ANXA10: variants seen among roughly 807,000 people sequenced by gnomAD.
ANXA10 encodes the protein annexin A10.
ANXA10 carries 49 observed loss-of-function variants against 53.5 expected under a neutral mutation model. The ratio of observed to expected loss-of-function variants is 0.92; its 90% confidence interval spans 0.73 to 1.16. ANXA10 has a LOEUF of 1.16. Ranked by LOEUF, ANXA10 falls within the 50% of genes most tolerant of loss-of-function variation. The pLI is 0.00. For missense variants in ANXA10, 393 were observed against 394.4 expected (o/e 1.00, Z 0.03); for synonymous variants, 131 against 128.9 (o/e 1.02, Z -0.11).
chr4:168,097,113 A>G (rs1730562037), intron 1 of ANXA10, among the ~76,000 whole-genome samples: 1 of 151,590 alleles, frequency 6.6e-6, no homozygotes, highest in African/African-American at 2.4e-5. Flanking sequence ...AATTTCATAA[A>G]CCCACTTACT....
intron 1 of ANXA10, among the ~76,000 whole-genome samples, chr4:168,123,810 T>C (rs990567346): frequency 1.3e-5 from 2 of 152,146 alleles, no homozygotes; most frequent in African/African-American, 4.8e-5. Context: ...AAAAAATCAC[T>C]TATAACAACC....
chr4:168,129,161 T>C (rs1731119483), intron 2 of ANXA10, among the ~76,000 whole-genome samples: 1 of 152,002 alleles, frequency 6.6e-6, no homozygotes, highest in Non-Finnish European at 1.5e-5. Context: ...GGAGCTTGAC[T>C]GTGTGTGTGT....
intron 1 of ANXA10, among the ~76,000 whole-genome samples, chr4:168,108,183 T>C (rs1730748277): frequency 6.6e-6 from 1 of 152,104 alleles, no homozygotes; most frequent in South Asian, 2.1e-4. Context: ...CTCATTGCCA[T>C]CTTAATTTTG....
chr4:168,164,288 CG>C lies in ANXA10; in HGVS notation c.400+1del. ...CCAGATGCGAGAAGCCTACTGCTTG[CG>C]TAAGGAAATATACATATGTGAATAT... On this transcript the variant is annotated splice_donor_variant, in intron 5 of 11. Transcript: ENST00000359299. LOFTEE classifies it high-confidence loss of function. 1.9e-6 allele frequency: 3 copies of C among 1,600,428 alleles called. No homozygotes were observed. Among genetic ancestry groups the C allele is most frequent in the Non-Finnish European group, 2.6e-6 (3 of 1,168,228 alleles).
intron 2 of ANXA10, among the ~76,000 whole-genome samples, chr4:168,131,581 T>C (rs563267241): frequency 2.6e-5 from 4 of 152,116 alleles, no homozygotes; most frequent in African/African-American, 9.6e-5. Flanking sequence ...CAAATTACTC[T>C]AGAGGTGTTA....
chr4:168,139,741 A>G (rs1431378138), intron 3 of ANXA10, among the ~76,000 whole-genome samples, 161 bp downstream of exon 3: 1 of 152,170 alleles, frequency 6.6e-6, no homozygotes, highest in Non-Finnish European at 1.5e-5. Context: ...TGTTTCAAGG[A>G]ATAAAATCTA....
At chr4:168,152,890 C>T (rs1300784954) in intron 3 of ANXA10, among the ~76,000 whole-genome samples, 2 of 151,592 alleles carry the variant, frequency 1.3e-5, no homozygotes, top group African/African-American at 4.8e-5. Context: ...AGTCACTAGG[C>T]TAGAGTGCCA....
chr4:168,157,541 G>A (rs1349958293), intron 3 of ANXA10, among the ~76,000 whole-genome samples: 3 of 152,168 alleles, frequency 2.0e-5, no homozygotes, highest in Admixed American at 2.0e-4. Context: ...TGGGATTACA[G>A]GCGTAAGCCA....
intron 3 of ANXA10, among the ~76,000 whole-genome samples, chr4:168,140,875 C>A (rs534339061): frequency 6.6e-6 from 1 of 152,306 alleles, no homozygotes; most frequent in East Asian, 1.9e-4. Context: ...CCACCTCGGC[C>A]TCCCAAAGTG....
intron 11 of ANXA10, among the ~76,000 whole-genome samples, chr4:168,186,851 A>C (rs140598487): frequency 2.0e-4 from 31 of 152,182 alleles, no homozygotes; most frequent in South Asian, 8.3e-4. Context: ...ATTGCTTCTC[A>C]GTTTTTCACT....
chr4:168,181,152 G>A (rs1048470784), intron 9 of ANXA10, among the ~76,000 whole-genome samples: 2 of 152,012 alleles, frequency 1.3e-5, no homozygotes, highest in African/African-American at 2.4e-5. Flanking sequence ...TTCACTTTGG[G>A]AGGCAGAGGC....
intron 1 of ANXA10, among the ~76,000 whole-genome samples, chr4:168,113,553 G>A (rs1730845041): frequency 6.6e-6 from 1 of 152,228 alleles, no homozygotes; most frequent in Admixed American, 6.5e-5. Context: ...AGTAACAGAA[G>A]GTGGAGGAAC....
At chr4:168,112,201 C>G (rs1451112762) in intron 1 of ANXA10, among the ~76,000 whole-genome samples, 1 of 152,086 alleles carries the variant, frequency 6.6e-6, no homozygotes, top group Non-Finnish European at 1.5e-5. Context: ...GAGGCTGAGG[C>G]AGGAGAATTC....
chr4:168,168,767 G>T (rs578087985), intron 6 of ANXA10, among the ~76,000 whole-genome samples: 10 of 152,284 alleles, frequency 6.6e-5, no homozygotes, highest in African/African-American at 2.2e-4. Context: ...TTGCAACCAA[G>T]AAATACAAAT....
chr4:168,099,556 C>T (rs1730607676), intron 1 of ANXA10, among the ~76,000 whole-genome samples: 1 of 152,072 alleles, frequency 6.6e-6, no homozygotes, highest in African/African-American at 2.4e-5. Flanking sequence ...TGAAATAAGA[C>T]TTTTTCATGT....
At chr4:168,157,417 G>A (rs911821354) in intron 3 of ANXA10, among the ~76,000 whole-genome samples, 8 of 152,002 alleles carry the variant, frequency 5.3e-5, no homozygotes, top group Non-Finnish European at 1.0e-4. Context: ...ACAGGCGCCT[G>A]CCACCACCCC....
intron 3 of ANXA10, among the ~76,000 whole-genome samples, chr4:168,152,702 A>G (rs560738514): frequency 6.6e-6 from 1 of 150,912 alleles, no homozygotes; most frequent in South Asian, 2.1e-4. Context: ...TACATAATAA[A>G]TAAGTAAATT....
chr4:168,093,272 TA>T (rs1191780669), intron 1 of ANXA10, among the ~76,000 whole-genome samples: 1 of 151,090 alleles, frequency 6.6e-6, no homozygotes, highest in Non-Finnish European at 1.5e-5. Context: ...CTGTAAAAGA[TA>T]GCTTATTTTT....
intron 3 of ANXA10, among the ~76,000 whole-genome samples, chr4:168,146,432 A>G (rs1210328893): frequency 6.6e-6 from 1 of 152,226 alleles, no homozygotes; most frequent in Non-Finnish European, 1.5e-5. Flanking sequence ...TGCCAGAACT[A>G]CAGGGGCAAT....
Sources: allele counts gnomAD v4.1 joint callset (sites outside exome capture counted in the v4.1 genomes callset), GRCh38; gene constraint gnomAD v4.1.1; transcripts MANE v1.5; gene names NCBI Gene and HGNC (gene_info 2026-07-23, HGNC 2026-07-21).